Variants in TMEM223 observed in about 807,000 individuals in gnomAD.
The protein encoded by TMEM223 is transmembrane protein 223.
A neutral mutation model predicts 14.1 loss-of-function variants in TMEM223; 14 were observed. The observed-to-expected ratio is 0.99, with a 90% CI of 0.66 to 1.55. The LOEUF (loss-of-function observed/expected upper bound fraction) is 1.55, where lower values mean the gene tolerates loss of function less well. Among genes scored for constraint, TMEM223 ranks in the 40% most tolerant of loss-of-function variants. The pLI is 0.00. For synonymous variants in TMEM223, 145 were observed against 120.5 expected (o/e 1.20, Z -1.33); for missense variants, 346 against 269.9 (o/e 1.28, Z -1.97).
At chr11:62,778,670 A>C in intron 1 of TMEM223, 1 of 616,854 alleles carries the variant, frequency 1.6e-6, no homozygotes. Context: ...GGTGGAAGAC[A>C]GGACAGAGCA....
downstream of TMEM223, chr11:62,789,787 T>G (rs1287517840): frequency 6.6e-7 from 1 of 1,526,582 alleles, no homozygotes; most frequent in African/African-American, 1.4e-5. Context: ...CTGAAGGGGT[T>G]GTCAGCTTAA....
intron 1 of TMEM223, chr11:62,776,528 GT>G (rs2084189542): frequency 2.6e-6 from 4 of 1,551,626 alleles, no homozygotes; most frequent in African/African-American, 1.4e-5. Context: ...TCCATGTCCA[GT>G]TCAGGGCTGG....
At chr11:62,772,837 T>C (rs1453814833) in intron 2 of TMEM223, among the ~76,000 whole-genome samples, 2 of 151,036 alleles carry the variant, frequency 1.3e-5, no homozygotes, top group African/African-American at 4.9e-5. Context: ...TTCTTCTTTC[T>C]TTCTTTTAGA....
chr11:62,778,808 G>A, intron 1 of TMEM223: 2 of 1,420,796 alleles, frequency 1.4e-6, no homozygotes, highest in Non-Finnish European at 2.0e-6. Context: ...GGAGGAGGCT[G>A]GAGAGGCCAG....
chr11:62,789,367 C>G (rs2084331397), downstream of TMEM223: 1 of 1,613,866 alleles, frequency 6.2e-7, no homozygotes, highest in Admixed American at 1.7e-5. Context: ...CTGCCTGTAT[C>G]CTTCGATTTG....
chr11:62,782,774 G>A (rs545283330), downstream of TMEM223: 39 of 1,613,464 alleles, frequency 2.4e-5, no homozygotes, highest in Middle Eastern at 1.8e-4. Context: ...CTGTGCGGCC[G>A]CTCTGCTGCC....
chr11:62,791,982 A>G lies in TMEM223; in HGVS notation c.13T>C (p.Trp5Arg). 1.3e-6 allele frequency: 2 copies of G among 1,545,632 alleles called. No homozygotes were observed. Among genetic ancestry groups the G allele is most frequent in the Non-Finnish European group, 1.8e-6 (2 of 1,142,062 alleles). ...AGCAGCCCCGTGGGCCATCGCCTCC[A>G]AGGCGCCGCCATGGCCAGCCGACTT... MAAP[W>R]RRWPTGLLAV... Residue 5 changes from tryptophan to arginine, a missense_variant, in exon 1 of 2, where the codon TGG becomes CGG. Coordinates refer to ENST00000307366, the MANE Select transcript of TMEM223 (RefSeq NM_001080501.3).
chr11:62,776,672 G>A (rs1437391673), intron 1 of TMEM223, among the ~76,000 whole-genome samples: 1 of 152,006 alleles, frequency 6.6e-6, no homozygotes, highest in African/African-American at 2.4e-5. Flanking sequence ...CCAACATGGC[G>A]AAACCCCTTC....
chr11:62,787,206 C>G (rs1398477003), downstream of TMEM223: 1 of 1,588,960 alleles, frequency 6.3e-7, no homozygotes, highest in South Asian at 1.1e-5. Context: ...CGGCCTCGCG[C>G]TACGTGCAGA....
chr11:62,780,283 G>A (rs1240875752), intron 1 of TMEM223, among the ~76,000 whole-genome samples: 1 of 150,624 alleles, frequency 6.6e-6, no homozygotes, highest in Non-Finnish European at 1.5e-5. Context: ...ACACCACTCA[G>A]GTGGATCACC....
chr11:62,787,342 A>T (rs2584916), downstream of TMEM223: 1 of 1,523,876 alleles, frequency 6.6e-7, no homozygotes, highest in Non-Finnish European at 8.7e-7. Context: ...GCCCCCGGAA[A>T]TGACGTCTCC....
Position 62,790,882 on chromosome 11 carries a change from G to C in TMEM223, c.350C>G (p.Ser117Cys), listed in dbSNP as rs1455469306. 6.3e-7 allele frequency: 1 copy of C among 1,599,156 alleles called. No individual in the cohort carries two copies. ...CACCACTGAGCGCACAGACCGGAGA[G>C]AGAAGAGAAGACCAGCACCGAGTAC... The part of the protein sequence containing the change: ...ALVLGAGLLF[S>C]LRSVRSVVLR... The change falls in exon 2 of 2, where the codon TCT becomes TGT. Residue 117 changes from serine to cysteine, a missense_variant. By Grantham distance (112) the Ser-to-Cys change is moderately radical. Coordinates refer to ENST00000307366, the MANE Select transcript of TMEM223 (RefSeq NM_001080501.3).
chr11:62,787,991 A>G (rs2084308650), downstream of TMEM223: 11 of 464,040 alleles, frequency 2.4e-5, no homozygotes, highest in South Asian at 1.2e-4. Flanking sequence ...CGCTGACGTA[A>G]AGGTAGAAGC....
chr11:62,778,925 A>T, intron 1 of TMEM223: 2 of 1,613,600 alleles, frequency 1.2e-6, no homozygotes, highest in South Asian at 2.2e-5. Context: ...TCACCAGGTG[A>T]CTCGTGCTGT....
At chr11:62,778,151 G>T in intron 1 of TMEM223, 1 of 1,614,152 alleles carries the variant, frequency 6.2e-7, no homozygotes, top group Non-Finnish European at 8.5e-7. Flanking sequence ...GTCCTGCATG[G>T]GTTGGGGATG....
In TMEM223 at chr11:62,777,147, A is replaced by C. The variant is rs1207622200; in HGVS notation, c.315-2482T>G. The stretch of plus-strand genomic sequence containing the variant: ...GGGTGACAGAGCAGGACTCCATGTC[A>C]AAAAAAAAAACAACCAAAAAAACAC... On this transcript the variant is annotated intron_variant, in intron 1 of 2. Coordinates refer to the TMEM223 transcript ENST00000528367. 2.1e-5 allele frequency among the ~76,000 whole-genome samples: 3 copies of C among 140,816 alleles called. No individual in the cohort carries two copies. In the East Asian group the frequency reaches 6.0e-4, roughly 28 times the overall value. The allele number at this position is 140,816 out of a possible 152,430, so 92.4% of individuals were successfully genotyped here.
chr11:62,786,084 C>A (rs924325045), downstream of TMEM223: 1 of 714,364 alleles, frequency 1.4e-6, no homozygotes, highest in Non-Finnish European at 2.3e-6. Context: ...CAATGCCTAG[C>A]TTAGGTATAC....
At chr11:62,788,555 T>C (rs2084318031), downstream of TMEM223, among the ~76,000 whole-genome samples, 1 of 151,416 alleles carries the variant, frequency 6.6e-6, no homozygotes, top group Non-Finnish European at 1.5e-5. Flanking sequence ...ATACAAACAA[T>C]TAGCCAGGCA....
downstream of TMEM223, chr11:62,789,897 G>A (rs191664124): frequency 7.6e-5 from 123 of 1,613,638 alleles, no homozygotes; most frequent in Middle Eastern, 1.6e-4. Context: ...CCTCTTCTTG[G>A]GTGAATTTGG....
Sources: allele counts gnomAD v4.1 joint callset (sites outside exome capture counted in the v4.1 genomes callset), GRCh38; gene constraint gnomAD v4.1.1; transcripts MANE v1.5; gene names NCBI Gene and HGNC (gene_info 2026-07-23, HGNC 2026-07-21).